The following CSMD1 variants were observed in gnomAD, a reference collection of about 807,000 sequenced individuals.
CSMD1 encodes the protein CUB and Sushi multiple domains 1.
A neutral mutation model predicts 417.5 loss-of-function variants in CSMD1; 213 were observed. That is an observed-to-expected ratio of 0.51 (90% CI 0.46 to 0.57). The LOEUF (loss-of-function observed/expected upper bound fraction) is 0.57. Ranked by LOEUF, CSMD1 falls within the 20% of genes least tolerant of loss-of-function variation. CSMD1 has a pLI of 0.00. For missense variants in CSMD1, 6,923 were observed against 4,529.7 expected, an observed-to-expected ratio of 1.53 and a Z score of -15.17; for synonymous variants, 2,862 against 1,736.8, an observed-to-expected ratio of 1.65 and a Z score of -16.11.
chr8:3,475,224 C>T (rs746193192), intron 11 of CSMD1, among the ~76,000 whole-genome samples: 16 of 152,282 alleles, frequency 1.1e-4, no homozygotes, highest in Non-Finnish European at 1.8e-4. Context: ...CAGAATCCTT[C>T]ACGCAATTCA....
intron 3 of CSMD1, among the ~76,000 whole-genome samples, chr8:4,345,439 GAA>G (rs1800725833): frequency 2.0e-5 from 3 of 152,054 alleles, no homozygotes; most frequent in South Asian, 4.1e-4. Flanking sequence ...TCAGGATAAA[GAA>G]GAGAAAAAAT....
At chr8:3,701,378 A>G (rs987089219) in intron 7 of CSMD1, among the ~76,000 whole-genome samples, 75 of 152,102 alleles carry the variant, frequency 4.9e-4, no homozygotes, top group African/African-American at 1.7e-3. Context: ...CTCAGCTTCT[A>G]CAGATCCCAG....
chr8:3,714,454 G>T (rs1480317544), intron 6 of CSMD1, among the ~76,000 whole-genome samples: 1 of 150,032 alleles, frequency 6.7e-6, no homozygotes, highest in East Asian at 2.0e-4. Flanking sequence ...CAGGCATGGT[G>T]GTTCACATCT....
At chr8:3,394,494 T>C (rs1215042345) in intron 17 of CSMD1, among the ~76,000 whole-genome samples, 1 of 152,022 alleles carries the variant, frequency 6.6e-6, no homozygotes, top group Non-Finnish European at 1.5e-5. Flanking sequence ...AAAAGCAAAG[T>C]CATCTACAGC....
intron 3 of CSMD1, among the ~76,000 whole-genome samples, chr8:4,298,650 A>G (rs979738532): frequency 6.6e-6 from 1 of 152,156 alleles, no homozygotes; most frequent in Non-Finnish European, 1.5e-5. Context: ...TTTAGTTTTA[A>G]TACAGTTCTA....
At chr8:4,068,233 A>C (rs932052711) in intron 3 of CSMD1, among the ~76,000 whole-genome samples, 2 of 152,188 alleles carry the variant, frequency 1.3e-5, no homozygotes, top group African/African-American at 2.4e-5. Context: ...GCAGAAGAAA[A>C]TGAGGAGAAC....
At chr8:4,425,489 G>C (rs905651894) in intron 2 of CSMD1, among the ~76,000 whole-genome samples, 5 of 151,894 alleles carry the variant, frequency 3.3e-5, no homozygotes, top group African/African-American at 1.2e-4. Flanking sequence ...GTGATTAAAT[G>C]TTTATAGCCA....
chr8:4,175,642 T>A (rs1797998843), intron 3 of CSMD1, among the ~76,000 whole-genome samples: 1 of 152,106 alleles, frequency 6.6e-6, no homozygotes, highest in Admixed American at 6.5e-5. Context: ...TGGCAAAAAC[T>A]TGAAGTCAGA....
At chr8:4,323,598 C>G (rs899307275) in intron 3 of CSMD1, among the ~76,000 whole-genome samples, 3 of 151,974 alleles carry the variant, frequency 2.0e-5, no homozygotes, top group African/African-American at 7.3e-5. Context: ...GGCTGATACC[C>G]AAAGTCAACA....
chr8:4,139,839 G>A (rs1016165392), intron 3 of CSMD1, among the ~76,000 whole-genome samples: 1 of 150,900 alleles, frequency 6.6e-6, no homozygotes, highest in Non-Finnish European at 1.5e-5. Flanking sequence ...TGGAGCAGAA[G>A]AACAAAGTGA....
In CSMD1 at chr8:4,031,093, C is replaced by G. The variant is rs2130570438; in HGVS notation, c.610+812G>C. On this transcript the variant is annotated intron_variant, in intron 4 of 69. Coordinates refer to ENST00000635120, the MANE Select transcript of CSMD1 (RefSeq NM_033225.6). The stretch of plus-strand genomic sequence containing the variant: ...GTCTCTAGAGAATTCCAAAACTTCC[C>G]ACATTTTCCTGTCTCCTTCTGAGTC... Among the ~76,000 whole-genome samples the G allele has an allele frequency of 1.3e-5, 2 of 152,276 alleles. 1 individual carries two copies. Among genetic ancestry groups the G allele is most frequent in the East Asian group, 3.9e-4 (2 of 5,172 alleles).
intron 1 of CSMD1, among the ~76,000 whole-genome samples, chr8:4,641,183 G>C (rs181503665): frequency 6.6e-6 from 1 of 151,784 alleles, no homozygotes; most frequent in East Asian, 2.0e-4. Flanking sequence ...GCAACATTGT[G>C]CATACAGATG....
At chr8:4,582,089 G>C (rs73659105) in intron 2 of CSMD1, among the ~76,000 whole-genome samples, 37,775 of 151,064 alleles carry the variant, frequency 0.25, 5,543 homozygotes, top group African/African-American at 0.42. Context: ...TTTTTGGTTT[G>C]TTTTGTTTTT....
chr8:4,252,177 G>T (rs1022872880), intron 3 of CSMD1, among the ~76,000 whole-genome samples: 6 of 152,144 alleles, frequency 3.9e-5, no homozygotes, highest in African/African-American at 7.2e-5. Context: ...AAGCTGGGGT[G>T]GGGAGATGGA....
At chr8:4,237,852 A>AT (rs1477214276) in intron 3 of CSMD1, among the ~76,000 whole-genome samples, 5 of 152,094 alleles carry the variant, frequency 3.3e-5, no homozygotes, top group African/African-American at 7.2e-5. Flanking sequence ...ATATTGTATT[A>AT]TTTTTTTCTG....
intron 3 of CSMD1, among the ~76,000 whole-genome samples, chr8:4,346,203 G>A (rs1191056716): frequency 1.3e-5 from 2 of 152,068 alleles, no homozygotes; most frequent in African/African-American, 4.8e-5. Context: ...TATCTGGACA[G>A]CTCATTTGCT....
intron 1 of CSMD1, among the ~76,000 whole-genome samples, chr8:4,830,279 G>C (rs912093212): frequency 2.6e-5 from 4 of 152,100 alleles, no homozygotes; most frequent in African/African-American, 9.7e-5. Flanking sequence ...GTAAAGAAAG[G>C]AACCATGAGG....
intron 41 of CSMD1, among the ~76,000 whole-genome samples, chr8:3,135,083 C>T (rs1328482887): frequency 6.6e-6 from 1 of 152,022 alleles, no homozygotes; most frequent in Non-Finnish European, 1.5e-5. Flanking sequence ...AACACCACGC[C>T]CAGCTAATTT....
chr8:4,058,662 C>T (rs1323161340), intron 3 of CSMD1, among the ~76,000 whole-genome samples: 3 of 147,126 alleles, frequency 2.0e-5, no homozygotes, highest in African/African-American at 7.5e-5. Flanking sequence ...ATAAAACAGA[C>T]TTTAAACCAA....
Sources: gnomAD v4.1 joint callset for allele counts (sites outside exome capture counted in the v4.1 genomes callset) on GRCh38, gnomAD v4.1.1 for gene constraint, MANE v1.5 for transcripts, NCBI Gene and HGNC (gene_info 2026-07-23, HGNC 2026-07-21) for gene names.